KLF17: variants seen among roughly 807,000 people sequenced by gnomAD.
KLF17 encodes the protein KLF transcription factor 17, also known as Krueppel-like factor 17.
Under a neutral mutation model 34.2 loss-of-function variants are expected in KLF17, and 31 were observed. That is an observed-to-expected ratio of 0.91 (90% CI 0.68 to 1.22). The LOEUF is 1.22. Among genes scored for constraint, KLF17 ranks in the 50% most tolerant of loss-of-function variants. The pLI is 0.00. For synonymous variants in KLF17, 179 were observed against 186.7 expected (o/e 0.96, Z 0.34); for missense variants, 478 against 505.2 (o/e 0.95, Z 0.52).
chr1:44,113,850 G>A (rs945019844), upstream of KLF17: 3 of 152,412 alleles, frequency 2.0e-5, no homozygotes, highest in Non-Finnish European at 4.4e-5. Context: ...CACAGACAGC[G>A]AGTTACAGCA....
chr1:44,099,928 G>GAAAAGAA, the KLF17 span, among the ~76,000 whole-genome samples: 2 of 120,536 alleles, frequency 1.7e-5, no homozygotes, highest in East Asian at 5.3e-4. Flanking sequence ...AAAAGAAAGG[G>GAAAAGAA]AGGGAGGGAG....
At chr1:44,093,249 G>T in the KLF17 span, among the ~76,000 whole-genome samples, 6 of 152,118 alleles carry the variant, frequency 3.9e-5, no homozygotes, top group Non-Finnish European at 8.8e-5. Context: ...AGAGTAACAG[G>T]GGGAAAATAC....
the KLF17 span, among the ~76,000 whole-genome samples, chr1:44,092,003 T>TC: frequency 0.1 from 11,085 of 106,760 alleles, 588 homozygotes; most frequent in African/African-American, 0.13. Context: ...CCCACTTCCC[T>TC]CCCCCAAATT....
At chr1:44,073,191 T>TTTCTTC in the KLF17 span, among the ~76,000 whole-genome samples, 3 of 141,558 alleles carry the variant, frequency 2.1e-5, no homozygotes, top group African/African-American at 5.2e-5. Flanking sequence ...TCATGAGAGG[T>TTTCTTC]TTCTTCTTCT....
At chr1:44,086,326 C>T in the KLF17 span, among the ~76,000 whole-genome samples, 2 of 152,126 alleles carry the variant, frequency 1.3e-5, no homozygotes, top group Admixed American at 6.6e-5. Context: ...ATTAGCCAGG[C>T]GTGGTGGCGC....
At position 44,129,892 on chromosome 1, in the gene KLF17, C is replaced by T. The variant is rs774424724; in HGVS notation, c.621C>T (p.Ser207=). The change falls in exon 2 of 4, where the codon TCC becomes TCT. Residue 207 remains serine, a synonymous_variant. Transcript: ENST00000372299. ...CTGAGGCCCAGGCAGTGCTCCCCTCCATGGCTCAGATGTTGCCCCCGCAAG... is the reference window on the plus strand; with the variant it reads ...CTGAGGCCCAGGCAGTGCTCCCCTCTATGGCTCAGATGTTGCCCCCGCAAG... The part of the protein sequence containing the change: ...PSTEAQAVLP[S]MAQMLPPQDA... 6.2e-7 allele frequency: 1 copy of T among 1,614,214 alleles called. No homozygotes were observed. Among genetic ancestry groups the T allele is most frequent in the South Asian group, 1.1e-5 (1 of 91,086 alleles).
At chr1:44,094,200 T>A in the KLF17 span, among the ~76,000 whole-genome samples, 2 of 152,340 alleles carry the variant, frequency 1.3e-5, no homozygotes, top group East Asian at 3.9e-4. Context: ...TTTGTTTTTT[T>A]TTTCCTATTG....
chr1:44,080,770 G>A, the KLF17 span, among the ~76,000 whole-genome samples: 9 of 134,416 alleles, frequency 6.7e-5, no homozygotes, highest in East Asian at 6.6e-4. Flanking sequence ...GCTGGAGTGC[G>A]ATGGCGTGAT....
the KLF17 span, among the ~76,000 whole-genome samples, chr1:44,098,479 A>T: frequency 3.8e-4 from 25 of 65,190 alleles, no homozygotes; most frequent in East Asian, 2.5e-3. Context: ...CTTTATTATT[A>T]TTTTTTTTAA....
At chr1:44,132,445 C>T (rs1169271463) in intron 3 of KLF17, among the ~76,000 whole-genome samples, 4 of 152,146 alleles carry the variant, frequency 2.6e-5, no homozygotes, top group Non-Finnish European at 4.4e-5. Flanking sequence ...GGGGAGGCCT[C>T]CCAAGTAGCC....
In KLF17 at chr1:44,118,919, A is replaced by AC. The variant is rs1217642401; in HGVS notation, c.14dup (p.Gln6AlafsTer3). ...CCCACCCAGTCTTCATGTACGGCCG[A>AC]CCGCAGGCTGAGATGGAACAGGAGG... On this transcript the variant is annotated frameshift_variant, in exon 1 of 4. Transcript: ENST00000372299. LOFTEE classifies it high-confidence loss of function. The AC allele has an allele frequency of 7.4e-6, 12 of 1,612,068 alleles. No homozygotes were observed. The highest frequency in any genetic ancestry group is 1.0e-5 in the Non-Finnish European group (12 of 1,179,190).
At chr1:44,084,828 C>T in the KLF17 span, among the ~76,000 whole-genome samples, 1 of 150,758 alleles carries the variant, frequency 6.6e-6, no homozygotes, top group African/African-American at 2.4e-5. Context: ...AATCTCAGCA[C>T]TTTAGGAGGC....
chr1:44,108,914 G>A, the KLF17 span, among the ~76,000 whole-genome samples: 10 of 152,026 alleles, frequency 6.6e-5, no homozygotes, highest in African/African-American at 2.2e-4. Context: ...TGATCTGCCC[G>A]CCTTGGCCTC....
At chr1:44,103,959 C>A in the KLF17 span, 1 of 865,526 alleles carries the variant, frequency 1.2e-6, no homozygotes, top group Non-Finnish European at 2.0e-6. Context: ...AGCCCGCCTG[C>A]GGTTGGCGAT....
chr1:44,127,692 T>TTCTCTTTC (rs753421834), intron 1 of KLF17, among the ~76,000 whole-genome samples: 1 of 90,136 alleles, frequency 1.1e-5, no homozygotes, highest in African/African-American at 5.5e-5. Context: ...CTTTCTTTCT[T>TTCTCTTTC]TTTCTTTCTT....
the KLF17 span, chr1:44,074,906 C>G: frequency 6.6e-6 from 1 of 152,198 alleles, no homozygotes; most frequent in Admixed American, 6.5e-5. Flanking sequence ...ACTTGGGACC[C>G]CAGTCACTGC....
intron 1 of KLF17, among the ~76,000 whole-genome samples, chr1:44,124,016 T>A (rs2087979233): frequency 1.3e-5 from 2 of 152,144 alleles, no homozygotes; most frequent in Non-Finnish European, 2.9e-5. Context: ...CTGAAGAATG[T>A]CCCATGAACA....
At chr1:44,127,639 C>CTTTTCTT (rs1553171634) in intron 1 of KLF17, among the ~76,000 whole-genome samples, 63 of 77,422 alleles carry the variant, frequency 8.1e-4, no homozygotes, top group African/African-American at 1.0e-3. Context: ...CTTTTCTTTC[C>CTTTTCTT]TTCTTTCTTT....
At chr1:44,079,799 A>T in the KLF17 span, among the ~76,000 whole-genome samples, 2 of 152,216 alleles carry the variant, frequency 1.3e-5, no homozygotes, top group South Asian at 2.1e-4. Flanking sequence ...TGGAAAGAAC[A>T]TCCTTCCCCT....
Sources: gnomAD v4.1 joint callset for allele counts (sites outside exome capture counted in the v4.1 genomes callset) on GRCh38, gnomAD v4.1.1 for gene constraint, MANE v1.5 for transcripts, NCBI Gene and HGNC (gene_info 2026-07-23, HGNC 2026-07-21) for gene names.